BMPR2: variants seen among roughly 807,000 people sequenced by gnomAD.
BMPR2 encodes bone morphogenetic protein receptor type 2, also known as bone morphogenetic protein receptor type-2.
A neutral mutation model predicts 100.8 loss-of-function variants in BMPR2; 29 were observed. The observed-to-expected ratio is 0.29, with a 90% CI of 0.21 to 0.39. The LOEUF (loss-of-function observed/expected upper bound fraction) is 0.39. Among genes scored for constraint, BMPR2 ranks in the 10% least tolerant of loss-of-function variants. The pLI is 1.00. For synonymous variants in BMPR2, 382 were observed against 442.3 expected, an observed-to-expected ratio of 0.86 and a Z score of 1.71; for missense variants, 1,011 against 1,274.5, an observed-to-expected ratio of 0.79 and a Z score of 3.15.
intron 1 of BMPR2, among the ~76,000 whole-genome samples, chr2:202,443,411 A>G (rs1170325502): frequency 6.6e-6 from 1 of 150,596 alleles, no homozygotes; most frequent in Non-Finnish European, 1.5e-5. Context: ...CGGCTGCACC[A>G]TTTTTCATTC....
chr2:202,403,732 C>T (rs6706495), intron 1 of BMPR2, among the ~76,000 whole-genome samples: 18,079 of 152,098 alleles, frequency 0.12, 1,194 homozygotes, highest in Admixed American at 0.14. Context: ...TATTGCAGGG[C>T]GTGGTGGCTC....
chr2:202,447,016 A>G (rs1691862458), intron 1 of BMPR2, among the ~76,000 whole-genome samples: 1 of 147,844 alleles, frequency 6.8e-6, no homozygotes, highest in African/African-American at 2.6e-5. Context: ...CTAAAAATAG[A>G]TTGTAGATTG....
At chr2:202,551,957 C>T (rs1181802077) in intron 10 of BMPR2, among the ~76,000 whole-genome samples, 2 of 150,702 alleles carry the variant, frequency 1.3e-5, no homozygotes, top group Non-Finnish European at 1.5e-5. Context: ...ATGGTTCAAG[C>T]GATTCTTCTG....
At chr2:202,527,892 A>T (rs2106015600) in intron 7 of BMPR2, among the ~76,000 whole-genome samples, 1 of 152,232 alleles carries the variant, frequency 6.6e-6, no homozygotes, top group African/African-American at 2.4e-5. Context: ...CAATGAACTG[A>T]TTATAAATTG....
At chr2:202,547,507 G>C (rs1452633318) in intron 10 of BMPR2, among the ~76,000 whole-genome samples, 3 of 152,164 alleles carry the variant, frequency 2.0e-5, no homozygotes, top group Non-Finnish European at 4.4e-5. Context: ...ACTTAGCCAG[G>C]CACGGTGGCT....
chr2:202,546,861 C>T (rs894837271), intron 10 of BMPR2, among the ~76,000 whole-genome samples: 6 of 152,136 alleles, frequency 3.9e-5, no homozygotes, highest in African/African-American at 1.2e-4. Context: ...CTCAGACTCC[C>T]GGAGTGCTGG....
In BMPR2 at chr2:202,503,463, G is replaced by A. The variant is rs975067897; in HGVS notation, c.419-10256G>A. On this transcript the variant is annotated intron_variant, in intron 3 of 12. Transcript: ENST00000374580. The surrounding 1 kb of genome is among the most constrained non-coding windows in gnomAD (Gnocchi z 4.0). Reference sequence around the variant, plus strand: ...TTCCGGTTGGGCATGGGCTTGGCGGGCCCCGCACTCGGAGCAGCCAGCCCC... The same window carrying A: ...TTCCGGTTGGGCATGGGCTTGGCGGACCCCGCACTCGGAGCAGCCAGCCCC... Among the ~76,000 whole-genome samples the A allele has an allele frequency of 1.3e-5, 2 of 152,232 alleles. No homozygotes were observed. Among genetic ancestry groups the A allele is most frequent in the African/African-American group, 4.8e-5 (2 of 41,462 alleles).
rs563528076 is a variant in BMPR2 at position 202,488,620 on chromosome 2, ACAGGGTCTTGCTGTGTTCCT to A, written c.418+20936_418+20955del. 7.9e-5 allele frequency among the ~76,000 whole-genome samples: 12 copies of A among 151,980 alleles called. No homozygotes were observed. The South Asian group carries it at 2.5e-3, about 32-fold the overall frequency. The stretch of plus-strand genomic sequence containing the variant: ...ATCTTTTTTTTAATGTTTTGTAGAG[ACAGGGTCTTGCTGTGTTCCT>A]CAGGATGGTCTCAAGCTCCTGGCTT... On this transcript the variant is annotated intron_variant, in intron 3 of 12. Coordinates refer to ENST00000374580, the MANE Select transcript of BMPR2 (RefSeq NM_001204.7).
chr2:202,534,858 C>G (rs1240667918), intron 9 of BMPR2, among the ~76,000 whole-genome samples: 1 of 144,990 alleles, frequency 6.9e-6, no homozygotes, highest in African/African-American at 2.6e-5. Context: ...GGGGGCTGAC[C>G]CCCCCACCTC....
chr2:202,402,180 T>C (rs1332776573), intron 1 of BMPR2, among the ~76,000 whole-genome samples: 2 of 152,292 alleles, frequency 1.3e-5, no homozygotes, highest in Middle Eastern at 3.4e-3. Flanking sequence ...ACGTAGTAAC[T>C]TTATGTATTT....
At chr2:202,466,385 C>G (rs759447068) in intron 2 of BMPR2, among the ~76,000 whole-genome samples, 1 of 152,048 alleles carries the variant, frequency 6.6e-6, no homozygotes, top group African/African-American at 2.4e-5. Flanking sequence ...CTCCCGGGTT[C>G]AAGCGATTCT....
Position 202,464,986 on chromosome 2 carries a change from G to A in BMPR2, c.247+7G>A, listed in dbSNP as rs781115210. On this transcript the variant is annotated splice_region_variant and intron_variant, in intron 2 of 12. Coordinates refer to ENST00000374580, the MANE Select transcript of BMPR2 (RefSeq NM_001204.7). ...ATAAATCTTGTAAAACAAGGCAAGTGATACTTTCCTTACCTGAAATGACTG... is the reference window on the plus strand; with the variant it reads ...ATAAATCTTGTAAAACAAGGCAAGTAATACTTTCCTTACCTGAAATGACTG... 10 of 1,613,648 alleles carry A rather than the reference G, an allele frequency of 6.2e-6. No homozygotes were observed. The highest frequency in any genetic ancestry group is 8.5e-6 in the Non-Finnish European group (10 of 1,179,642).
At chr2:202,486,544 A>G (rs566908313) in intron 3 of BMPR2, among the ~76,000 whole-genome samples, 34 of 150,680 alleles carry the variant, frequency 2.3e-4, no homozygotes, top group Non-Finnish European at 4.6e-4. Context: ...CAGCACAAGA[A>G]TTGCTTGAAC....
chr2:202,546,750 C>T (rs932722082), intron 10 of BMPR2, among the ~76,000 whole-genome samples: 2 of 152,050 alleles, frequency 1.3e-5, no homozygotes, highest in Non-Finnish European at 2.9e-5. Flanking sequence ...ACTACAGTCA[C>T]GTGCCACCAT....
chr2:202,448,924 G>GGT (rs55680029), intron 1 of BMPR2, among the ~76,000 whole-genome samples: 29,714 of 142,644 alleles, frequency 0.21, 2,999 homozygotes, highest in East Asian at 0.27. Context: ...GTTTAGAATT[G>GGT]GTGTGTGTGT....
intron 1 of BMPR2, among the ~76,000 whole-genome samples, chr2:202,398,050 G>A (rs1270603582): frequency 4.6e-5 from 7 of 150,764 alleles, no homozygotes; most frequent in African/African-American, 1.2e-4. Flanking sequence ...TGGAGATTGC[G>A]GTGAGCCAAA....
At chr2:202,527,791 C>T (rs1019143037) in intron 7 of BMPR2, among the ~76,000 whole-genome samples, 11 of 151,416 alleles carry the variant, frequency 7.3e-5, no homozygotes, top group African/African-American at 2.7e-4. Flanking sequence ...GAGACTCCAT[C>T]TCAAAAAAAA....
chr2:202,522,574 A>G (rs1687837306), intron 7 of BMPR2, among the ~76,000 whole-genome samples: 2 of 152,004 alleles, frequency 1.3e-5, no homozygotes. Flanking sequence ...TCACATCTAT[A>G]ATCCGAACAA....
Position 202,503,675 on chromosome 2 carries a change from G to C in BMPR2, c.419-10044G>C, listed in dbSNP as rs538820926. Among the ~76,000 whole-genome samples the C allele has an allele frequency of 1.3e-5, 2 of 152,156 alleles. No individual in the cohort carries two copies. Among genetic ancestry groups the C allele is most frequent in the African/African-American group, 4.8e-5 (2 of 41,440 alleles). On this transcript the variant is annotated intron_variant, in intron 3 of 12. Transcript: ENST00000374580. This position sits in a 1 kb window ranked among gnomAD's most constrained non-coding sequence, Gnocchi z 4.0. ...CCACCCCCTCCATGGGCCCCTGTGC[G>C]GCCCGAGCCTCCCTGATGAGTGCCG...
Sources: gnomAD v4.1 joint callset for allele counts (sites outside exome capture counted in the v4.1 genomes callset) on GRCh38, gnomAD v4.1.1 for gene constraint, Gnocchi (gnomAD v3.1) non-coding constraint, MANE v1.5 for transcripts, NCBI Gene and HGNC (gene_info 2026-07-23, HGNC 2026-07-21) for gene names.